ASRGL1: variants seen among roughly 807,000 people sequenced by gnomAD.
ASRGL1 encodes the protein isoaspartyl peptidase/L-asparaginase.
ASRGL1 carries 16 observed loss-of-function variants against 22.4 expected under a neutral mutation model. The observed-to-expected ratio is 0.71, with a 90% CI of 0.48 to 1.08. ASRGL1 has a LOEUF of 1.08. Ranked by LOEUF, ASRGL1 falls within the 50% of genes least tolerant of loss-of-function variation. ASRGL1 has a pLI of 0.00. For synonymous variants in ASRGL1, 165 were observed against 159.3 expected, an observed-to-expected ratio of 1.04 and a Z score of -0.27; for missense variants, 412 against 410.1, an observed-to-expected ratio of 1.00 and a Z score of -0.04.
At chr11:62,370,049 C>T (rs1311763382) in intron 4 of ASRGL1, among the ~76,000 whole-genome samples, 1 of 152,132 alleles carries the variant, frequency 6.6e-6, no homozygotes, top group African/African-American at 2.4e-5. Context: ...CCTGCCACAG[C>T]GGCCGTAGCT....
In ASRGL1 at chr11:62,392,358, A is replaced by G; in HGVS notation, c.*74A>G. The G allele has an allele frequency of 6.5e-7, 1 of 1,540,016 alleles. No individual in the cohort carries two copies. Among genetic ancestry groups the G allele is most frequent in the African/African-American group, 1.4e-5 (1 of 73,288 alleles). On this transcript the variant is annotated 3_prime_UTR_variant, in exon 7 of 7. Transcript: ENST00000415229. ...TCTCCTCATGAGACATAGCCTAATC[A>G]ATTAGATCTAGAATTGGAAAAATTG...
intron 4 of ASRGL1, among the ~76,000 whole-genome samples, chr11:62,362,747 T>C (rs1269038095): frequency 1.8e-5 from 2 of 110,392 alleles, no homozygotes; most frequent in Non-Finnish European, 3.5e-5. Context: ...ATATATATTA[T>C]ATATATAAAT....
At chr11:62,372,702 G>A in intron 4 of ASRGL1, 1 of 1,325,956 alleles carries the variant, frequency 7.5e-7, no homozygotes, top group Non-Finnish European at 1.1e-6. Context: ...GGGCTACACA[G>A]AGCAGAAGGA....
intron 4 of ASRGL1, among the ~76,000 whole-genome samples, chr11:62,368,415 G>A (rs1455402079): frequency 1.3e-5 from 2 of 152,102 alleles, no homozygotes; most frequent in African/African-American, 4.8e-5. Context: ...ATTTCTGATG[G>A]ACAGATACAC....
chr11:62,355,816 G>C (rs1946276011), intron 2 of ASRGL1, among the ~76,000 whole-genome samples: 1 of 152,020 alleles, frequency 6.6e-6, no homozygotes, highest in Non-Finnish European at 1.5e-5. Flanking sequence ...AGGGAGTGGT[G>C]ATGACTCTTA....
chr11:62,362,686 ATATATAT>A lies in ASRGL1; in HGVS notation c.491+5556_491+5562del, dbSNP rs1258199978. On this transcript the variant is annotated intron_variant, in intron 4 of 6. Transcript: ENST00000415229. ...AAATATATAATATATATTATATAAA[ATATATAT>A]TATATATTATATAAAATATATTATA... Among the ~76,000 whole-genome samples, 10 of 30,842 alleles carry A rather than the reference ATATATAT, an allele frequency of 3.2e-4. 1 individual carries two copies. Among genetic ancestry groups the A allele is most frequent in the African/African-American group, 7.7e-4 (7 of 9,066 alleles). 20.2% of individuals were successfully genotyped at this position (30,842 alleles called of 152,430 possible).
chr11:62,382,309 A>G (rs1947091515), intron 4 of ASRGL1: 1 of 152,090 alleles, frequency 6.6e-6, no homozygotes, highest in Non-Finnish European at 1.5e-5. Flanking sequence ...TTTACTGATC[A>G]TTATCTCTAC....
intron 2 of ASRGL1, among the ~76,000 whole-genome samples, chr11:62,342,640 C>T (rs1945894403): frequency 6.6e-6 from 1 of 152,110 alleles, no homozygotes. Context: ...ACCTGGCAAT[C>T]CCAGCTACTC....
At chr11:62,343,242 G>A (rs938725043) in intron 2 of ASRGL1, among the ~76,000 whole-genome samples, 1 of 151,766 alleles carries the variant, frequency 6.6e-6, no homozygotes, top group Admixed American at 6.6e-5. Flanking sequence ...GCCAAGTGCA[G>A]TGGTGGGCAC....
At chr11:62,353,675 C>G (rs914114750) in intron 2 of ASRGL1, among the ~76,000 whole-genome samples, 1 of 152,118 alleles carries the variant, frequency 6.6e-6, no homozygotes, top group African/African-American at 2.4e-5. Flanking sequence ...TCAGGTAATT[C>G]CAACATCTGT....
chr11:62,386,294 G>C (rs924072611), intron 4 of ASRGL1, among the ~76,000 whole-genome samples: 94 of 152,160 alleles, frequency 6.2e-4, no homozygotes, highest in African/African-American at 2.2e-3. Flanking sequence ...TTCACTTTCT[G>C]TGCTTTCAGT....
At chr11:62,349,918 ACGG>A (rs1221747545) in intron 2 of ASRGL1, among the ~76,000 whole-genome samples, 3 of 152,014 alleles carry the variant, frequency 2.0e-5, no homozygotes, top group Non-Finnish European at 4.4e-5. Flanking sequence ...GTAAGCTGTC[ACGG>A]TGGGAGTGGA....
At chr11:62,350,783 A>G (rs1399120883) in intron 2 of ASRGL1, among the ~76,000 whole-genome samples, 1 of 152,164 alleles carries the variant, frequency 6.6e-6, no homozygotes, top group Non-Finnish European at 1.5e-5. Flanking sequence ...GCAACAGAGC[A>G]AGACTCTGTC....
At chr11:62,355,962 C>T (rs1946281004) in intron 2 of ASRGL1, among the ~76,000 whole-genome samples, 1 of 152,142 alleles carries the variant, frequency 6.6e-6, no homozygotes, top group Admixed American at 6.5e-5. Flanking sequence ...CAACAGGATC[C>T]CAAGGCAGAA....
At chr11:62,372,532 G>A (rs1186118611) in intron 4 of ASRGL1, 22 of 983,924 alleles carry the variant, frequency 2.2e-5, no homozygotes, top group Non-Finnish European at 3.3e-6. Context: ...CTGCAAACTA[G>A]TTCCCCAGCG....
intron 2 of ASRGL1, among the ~76,000 whole-genome samples, chr11:62,354,231 A>G (rs1363102765): frequency 1.3e-5 from 2 of 152,242 alleles, no homozygotes; most frequent in South Asian, 2.1e-4. Context: ...GCAGAGAAAT[A>G]TAGAGAAAGG....
At chr11:62,378,825 C>A (rs182562932) in intron 4 of ASRGL1, among the ~76,000 whole-genome samples, 1 of 152,048 alleles carries the variant, frequency 6.6e-6, no homozygotes, top group Non-Finnish European at 1.5e-5. Flanking sequence ...TTACCCATAC[C>A]GGTTTTTCTG....
chr11:62,346,466 A>G (rs1182331902), intron 2 of ASRGL1, among the ~76,000 whole-genome samples: 1 of 152,144 alleles, frequency 6.6e-6, no homozygotes, highest in Non-Finnish European at 1.5e-5. Context: ...AGACTGAGTA[A>G]CAAACGTAAG....
At chr11:62,395,409 A>G (rs1947420524), downstream of ASRGL1, among the ~76,000 whole-genome samples, 1 of 152,144 alleles carries the variant, frequency 6.6e-6, no homozygotes, top group Non-Finnish European at 1.5e-5. Context: ...AAGTGTCCCC[A>G]AGCAGGAGTT....
Sources: allele counts gnomAD v4.1 joint callset (sites outside exome capture counted in the v4.1 genomes callset), GRCh38; gene constraint gnomAD v4.1.1; transcripts MANE v1.5; gene names NCBI Gene and HGNC (gene_info 2026-07-23, HGNC 2026-07-21).